Variants in HOOK3 observed in about 807,000 individuals in gnomAD.
HOOK3 encodes the protein protein Hook homolog 3.
HOOK3 carries 24 observed loss-of-function variants against 116.3 expected under a neutral mutation model. That is an observed-to-expected ratio of 0.21 (90% CI 0.15 to 0.29). HOOK3 has a LOEUF of 0.29. Ranked by LOEUF, HOOK3 falls within the 10% of genes least tolerant of loss-of-function variation. HOOK3 has a pLI of 1.00. For synonymous variants in HOOK3, 275 were observed against 283.0 expected, an observed-to-expected ratio of 0.97 and a Z score of 0.28; for missense variants, 632 against 830.2, an observed-to-expected ratio of 0.76 and a Z score of 2.93.
chr8:43,017,321 C>T (rs1007769784), intron 21 of HOOK3, among the ~76,000 whole-genome samples: 2 of 152,198 alleles, frequency 1.3e-5, no homozygotes, highest in Non-Finnish European at 2.9e-5. Context: ...TGCTACAGTG[C>T]GGTGGTGTAA....
At chr8:42,922,401 A>C (rs1035853172) in intron 2 of HOOK3, among the ~76,000 whole-genome samples, 9 of 151,858 alleles carry the variant, frequency 5.9e-5, no homozygotes, top group African/African-American at 2.2e-4. Context: ...GAAAGAAAAA[A>C]ATTTTATCCA....
Position 43,019,852 on chromosome 8 carries a change from C to G in HOOK3, c.*1354C>G, listed in dbSNP as rs1459362474. The G allele has an allele frequency of 9.8e-6, 2 of 203,958 alleles. No homozygotes were observed. Among genetic ancestry groups the G allele is most frequent in the African/African-American group, 4.6e-5 (2 of 43,776 alleles). 12.6% of individuals were successfully genotyped at this position (203,958 alleles called of 1,614,324 possible). On this transcript the variant is annotated 3_prime_UTR_variant, in exon 22 of 22. Transcript: ENST00000307602. ...TGCAACGTAGCCCATTTTTTGAAAG[C>G]AAAACATTTCTGAAATTAGGTCATG...
intron 16 of HOOK3, chr8:43,000,838 C>T (rs1247395692): frequency 6.6e-6 from 1 of 152,242 alleles, no homozygotes; most frequent in African/African-American, 2.4e-5. Context: ...ATCCATTTAA[C>T]TATGTTACTA....
chr8:42,965,528 A>G (rs919615169), intron 9 of HOOK3, among the ~76,000 whole-genome samples: 2 of 152,224 alleles, frequency 1.3e-5, no homozygotes, highest in Non-Finnish European at 2.9e-5. Flanking sequence ...ATGTCCTGCA[A>G]GATAAGACGG....
intron 2 of HOOK3, among the ~76,000 whole-genome samples, chr8:42,919,272 G>A (rs189741333): frequency 0.03 from 4,501 of 150,104 alleles, 144 homozygotes; most frequent in African/African-American, 0.083. Context: ...CAGACGGGGC[G>A]GCCAGTCAGA....
intron 5 of HOOK3, among the ~76,000 whole-genome samples, chr8:42,948,326 A>G (rs1808273687): frequency 6.6e-6 from 1 of 152,254 alleles, no homozygotes; most frequent in Non-Finnish European, 1.5e-5. Context: ...GCATTGCCTC[A>G]TAGACACACA....
chr8:42,992,981 T>G (rs1055724996), intron 15 of HOOK3, among the ~76,000 whole-genome samples: 1 of 152,124 alleles, frequency 6.6e-6, no homozygotes, highest in Non-Finnish European at 1.5e-5. Flanking sequence ...TGAGGTATGT[T>G]CCTTTTATAC....
intron 11 of HOOK3, among the ~76,000 whole-genome samples, chr8:42,972,420 T>C (rs1274636198): frequency 6.6e-6 from 1 of 151,448 alleles, no homozygotes; most frequent in Non-Finnish European, 1.5e-5. Context: ...TCTTTCTTAC[T>C]TTTTTTTTAA....
At chr8:42,902,719 A>G (rs921880121) in intron 1 of HOOK3, among the ~76,000 whole-genome samples, 1 of 152,140 alleles carries the variant, frequency 6.6e-6, no homozygotes, top group Non-Finnish European at 1.5e-5. Flanking sequence ...TTTTTCCCCA[A>G]TCTTTCTTTA....
chr8:42,963,780 A>G (rs1395381279), intron 8 of HOOK3, among the ~76,000 whole-genome samples: 1 of 152,174 alleles, frequency 6.6e-6, no homozygotes, highest in Non-Finnish European at 1.5e-5. Context: ...TGCCATCTCT[A>G]TATCTTGTCT....
At chr8:42,991,415 C>CTTTTTTATTTTTTA (rs1809158541) in intron 15 of HOOK3, among the ~76,000 whole-genome samples, 1 of 84,850 alleles carries the variant, frequency 1.2e-5, no homozygotes, top group African/African-American at 4.6e-5. Flanking sequence ...TTTTTTTTTC[C>CTTTTTTATTTTTTA]TTTTGGAGAT....
chr8:43,011,239 C>T (rs557986291), intron 19 of HOOK3, among the ~76,000 whole-genome samples: 41 of 152,140 alleles, frequency 2.7e-4, no homozygotes, highest in South Asian at 1.2e-3. Context: ...GTGATCCGCC[C>T]GCCTCGGCCT....
At chr8:42,929,071 T>C (rs1479470330) in intron 3 of HOOK3, among the ~76,000 whole-genome samples, 1 of 152,146 alleles carries the variant, frequency 6.6e-6, no homozygotes, top group Non-Finnish European at 1.5e-5. Flanking sequence ...TAAATAAAGA[T>C]AAGATGTAGC....
chr8:42,936,569 T>C (rs1807975666), intron 4 of HOOK3, among the ~76,000 whole-genome samples: 1 of 152,234 alleles, frequency 6.6e-6, no homozygotes, highest in Non-Finnish European at 1.5e-5. Context: ...ATTCCATCAA[T>C]ACCTAGTTTA....
chr8:42,939,546 G>C (rs1332408033), intron 4 of HOOK3, among the ~76,000 whole-genome samples: 1 of 147,112 alleles, frequency 6.8e-6, no homozygotes, highest in African/African-American at 2.5e-5. Flanking sequence ...CTCCCTCCCG[G>C]ACAGGGCGGC....
rs2130501059 is a variant in HOOK3 at position 43,021,788 on chromosome 8, C to T, written c.*3290C>T. On this transcript the variant is annotated 3_prime_UTR_variant, in exon 22 of 22. Transcript: ENST00000307602. ...GGTTCACGCCATTCTCCTGCCTCAGCCTCCTGAGTAGCGGGGACTACAGGC... is the reference window on the plus strand; with the variant it reads ...GGTTCACGCCATTCTCCTGCCTCAGTCTCCTGAGTAGCGGGGACTACAGGC... The T allele has an allele frequency of 6.3e-6, 1 of 157,574 alleles. No homozygotes were observed. The highest frequency in any genetic ancestry group is 2.1e-4 in the South Asian group (1 of 4,854). 9.8% of individuals were successfully genotyped at this position (157,574 alleles called of 1,614,324 possible). A position where few individuals can be genotyped will look rare whatever the true frequency, so the allele number is the denominator to read the frequency against.
intron 8 of HOOK3, among the ~76,000 whole-genome samples, chr8:42,962,261 CTTTTTTTTT>C (rs559919675): frequency 8.5e-6 from 1 of 117,814 alleles, no homozygotes; most frequent in African/African-American, 3.1e-5. Context: ...ATTTTCATTT[CTTTTTTTTT>C]TTTTTTTTTT....
Position 43,020,716 on chromosome 8 carries a change from T to A in HOOK3, c.*2218T>A, listed in dbSNP as rs1430059650. ...GCGACAGAGTGAGACTCTGTCTCAATCAGTCAATCAATCAATCAATCAAAT... is the reference window on the plus strand; with the variant it reads ...GCGACAGAGTGAGACTCTGTCTCAAACAGTCAATCAATCAATCAATCAAAT... On this transcript the variant is annotated 3_prime_UTR_variant, in exon 22 of 22. Transcript: ENST00000307602. 1.7e-5 allele frequency: 3 copies of A among 175,982 alleles called. No homozygotes were observed. Among genetic ancestry groups the A allele is most frequent in the Non-Finnish European group, 3.7e-5 (3 of 82,012 alleles). The allele number at this position is 175,982 out of a possible 1,614,324, so 10.9% of individuals were successfully genotyped here. A position where few individuals can be genotyped will look rare whatever the true frequency, so the allele number is the denominator to read the frequency against.
At chr8:43,004,373 AAAAAAAAAG>A (rs1809433881) in intron 17 of HOOK3, among the ~76,000 whole-genome samples, 1 of 148,440 alleles carries the variant, frequency 6.7e-6, no homozygotes, top group African/African-American at 2.5e-5. Flanking sequence ...TCTCAAAAAA[AAAAAAAAAG>A]AAAGAAAAGA....
Sources: gnomAD v4.1 joint callset for allele counts (sites outside exome capture counted in the v4.1 genomes callset) on GRCh38, gnomAD v4.1.1 for gene constraint, MANE v1.5 for transcripts, NCBI Gene and HGNC (gene_info 2026-07-23, HGNC 2026-07-21) for gene names.